The following SCN11A variants were observed in gnomAD, a reference collection of about 807,000 sequenced individuals.
SCN11A encodes sodium voltage-gated channel alpha subunit 11.
SCN11A carries 122 observed loss-of-function variants against 162.2 expected under a neutral mutation model. The ratio of observed to expected loss-of-function variants is 0.75; its 90% CI spans 0.65 to 0.87. The LOEUF (loss-of-function observed/expected upper bound fraction) is 0.87. SCN11A is among the 40% of genes least tolerant of loss of function. SCN11A has a pLI of 0.00. For synonymous variants in SCN11A, 758 were observed against 751.5 expected (o/e 1.01, Z -0.14); for missense variants, 2,015 against 2,181.6 (o/e 0.92, Z 1.52).
chr3:38,855,610 T>G (rs576192004), intron 28 of SCN11A, among the ~76,000 whole-genome samples: 25 of 152,148 alleles, frequency 1.6e-4, no homozygotes, highest in African/African-American at 5.8e-4. Flanking sequence ...GTCAACCAAC[T>G]CAGGACATGA....
chr3:38,951,456 G>T (rs528861240), intron 4 of SCN11A, among the ~76,000 whole-genome samples: 2 of 152,370 alleles, frequency 1.3e-5, no homozygotes, highest in South Asian at 2.1e-4. Flanking sequence ...GCTCCTGTGC[G>T]GCCGGAGCCT....
At chr3:38,946,585 A>C (rs1023181921) in intron 6 of SCN11A, among the ~76,000 whole-genome samples, 2 of 152,208 alleles carry the variant, frequency 1.3e-5, no homozygotes, top group African/African-American at 2.4e-5. Context: ...CTTTTAGTCT[A>C]TGCCCTTCTG....
At chr3:38,987,295 T>TCA (rs2030284109) in intron 2 of SCN11A, among the ~76,000 whole-genome samples, 4 of 116,558 alleles carry the variant, frequency 3.4e-5, no homozygotes, top group Non-Finnish European at 5.0e-5. Context: ...TCTCTCTCTC[T>TCA]CTCTCTCTCA....
At chr3:38,931,972 A>T (rs2066248350) in intron 7 of SCN11A, among the ~76,000 whole-genome samples, 1 of 152,246 alleles carries the variant, frequency 6.6e-6, no homozygotes, top group Non-Finnish European at 1.5e-5. Flanking sequence ...CTACAAGGGT[A>T]ACTAATGTGG....
intron 11 of SCN11A, among the ~76,000 whole-genome samples, chr3:38,911,073 A>G (rs2065880597): frequency 6.6e-6 from 1 of 152,186 alleles, no homozygotes; most frequent in South Asian, 2.1e-4. Context: ...CCGTATATCT[A>G]AATAGTGCTT....
At chr3:38,928,902 C>T (rs187933298) in intron 7 of SCN11A, among the ~76,000 whole-genome samples, 6 of 152,120 alleles carry the variant, frequency 3.9e-5, no homozygotes, top group Admixed American at 2.6e-4. Flanking sequence ...TAAAAATAGA[C>T]CTGCTATATG....
chr3:39,044,751 G>A lies in SCN11A; in HGVS notation c.-404+7110C>T, dbSNP rs192850355. ...GATTACAAATAAACAAACTAATGAT[G>A]CACGTCAAGGAACTACAAAAACAAG... On this transcript the variant is annotated intron_variant, in intron 1 of 29. Coordinates refer to ENST00000302328, the MANE Select transcript of SCN11A (RefSeq NM_001349253.2). Among the ~76,000 whole-genome samples, 6 of 151,970 alleles carry A rather than the reference G, an allele frequency of 3.9e-5. No individual in the cohort carries two copies. In the East Asian group the frequency reaches 1.2e-3, roughly 29 times the overall value.
intron 1 of SCN11A, among the ~76,000 whole-genome samples, chr3:39,047,462 C>G (rs2032212909): frequency 6.6e-6 from 1 of 152,040 alleles, no homozygotes; most frequent in Non-Finnish European, 1.5e-5. Context: ...AGGACATTGG[C>G]CTGGGCAAAG....
rs577227251 is a variant in SCN11A at position 39,024,047 on chromosome 3, G to A, written c.-280+8333C>T. On this transcript the variant is annotated intron_variant, in intron 2 of 29. Transcript: ENST00000302328. ...TGTATATAAACTGTAGGGACCAAAAGGTGTGATACCTGTCCTCCCCATCAC... is the reference window on the plus strand; with the variant it reads ...TGTATATAAACTGTAGGGACCAAAAAGTGTGATACCTGTCCTCCCCATCAC... Among the ~76,000 whole-genome samples, 3 of 152,322 alleles carry A rather than the reference G, an allele frequency of 2.0e-5. No individual in the cohort carries two copies. In the East Asian group the frequency reaches 5.8e-4, roughly 29 times the overall value.
At chr3:39,041,272 T>C (rs539687622) in intron 1 of SCN11A, among the ~76,000 whole-genome samples, 1 of 151,930 alleles carries the variant, frequency 6.6e-6, no homozygotes, top group Non-Finnish European at 1.5e-5. Flanking sequence ...GAAAAAGGAA[T>C]AGAAAACCTA....
At chr3:38,919,829 G>T in intron 11 of SCN11A, 106 bp downstream of exon 11, 1 of 787,078 alleles carries the variant, frequency 1.3e-6, no homozygotes. Context: ...AATTATGTGA[G>T]AACTATCATC....
At chr3:38,900,319 T>A (rs531362347) in intron 16 of SCN11A, among the ~76,000 whole-genome samples, 3 of 152,294 alleles carry the variant, frequency 2.0e-5, no homozygotes, top group Admixed American at 2.0e-4. Flanking sequence ...GACACCAGAA[T>A]GGAAAATGAA....
chr3:38,974,709 A>AAAAAAAAAAAAAAAG (rs1553647127), intron 2 of SCN11A, among the ~76,000 whole-genome samples: 27 of 130,430 alleles, frequency 2.1e-4, no homozygotes, highest in Non-Finnish European at 3.2e-4. Context: ...AAAAAAAAAA[A>AAAAAAAAAAAAAAAG]AAAAGAAAAG....
At chr3:39,004,008 G>T (rs1010175724) in intron 2 of SCN11A, among the ~76,000 whole-genome samples, 1 of 152,164 alleles carries the variant, frequency 6.6e-6, no homozygotes, top group African/African-American at 2.4e-5. Context: ...TTGCTGTGAT[G>T]AAGCTCTTAA....
At chr3:39,037,298 G>C (rs1353558439) in intron 1 of SCN11A, among the ~76,000 whole-genome samples, 3 of 152,186 alleles carry the variant, frequency 2.0e-5, no homozygotes, top group Middle Eastern at 3.2e-3. Flanking sequence ...CATGGAGATA[G>C]AGTAAAATGA....
intron 22 of SCN11A, 100 bp from the exon 23 acceptor site, chr3:38,880,223 G>T (rs892398576): frequency 2.6e-6 from 2 of 779,446 alleles, no homozygotes; most frequent in Non-Finnish European, 4.0e-6. Context: ...AATAAAAACT[G>T]GTATCTCTCT....
intron 2 of SCN11A, among the ~76,000 whole-genome samples, chr3:38,987,866 C>A (rs539145138): frequency 6.6e-6 from 1 of 152,124 alleles, no homozygotes; most frequent in Non-Finnish European, 1.5e-5. Flanking sequence ...CAGAATATTT[C>A]ACTGCCCTGT....
rs1323365442 is a variant in SCN11A, at chr3:38,871,615, C to T, written c.3589G>A (p.Val1197Ile). The change falls in exon 25 of 30, where the codon GTA becomes ATA. Residue 1197 changes from valine to isoleucine, a missense_variant. Physicochemically the swap from Val to Ile is conservative, Grantham distance 29. Transcript: ENST00000302328. ...CCAAATTTTCCAGAAAAGAAGTATA[C>T]TCCCAGAATACAAAATACGAGCCAG... ...IFWLVFCILGVYFFSGKFGKC... is the reference protein window; with the variant it reads ...IFWLVFCILGIYFFSGKFGKC... 3.7e-6 allele frequency: 6 copies of T among 1,612,600 alleles called. No individual in the cohort carries two copies. The highest frequency in any genetic ancestry group is 5.1e-6 in the Non-Finnish European group (6 of 1,179,012).
intron 2 of SCN11A, among the ~76,000 whole-genome samples, chr3:38,989,062 G>A (rs1460070400): frequency 2.0e-5 from 3 of 152,162 alleles, no homozygotes; most frequent in Non-Finnish European, 4.4e-5. Context: ...AAGTGATGAA[G>A]GGTCAACAAA....
Sources: gnomAD v4.1 joint callset for allele counts (sites outside exome capture counted in the v4.1 genomes callset) on GRCh38, gnomAD v4.1.1 for gene constraint, MANE v1.5 for transcripts, NCBI Gene and HGNC (gene_info 2026-07-23, HGNC 2026-07-21) for gene names.